Variants in SLC30A6 observed in about 807,000 individuals in gnomAD.
SLC30A6 encodes the protein solute carrier family 30 member 6.
In SLC30A6, 55 loss-of-function variants were observed where a neutral mutation model predicts 63.0. The ratio of observed to expected loss-of-function variants is 0.87; its 90% CI spans 0.70 to 1.09. The LOEUF (loss-of-function observed/expected upper bound fraction) is 1.09, where lower values mean the gene tolerates loss of function less well. Among genes scored for constraint, SLC30A6 ranks in the 50% least tolerant of loss-of-function variants. SLC30A6 has a pLI of 0.00. For synonymous variants in SLC30A6, 224 were observed against 186.1 expected (o/e 1.20, Z -1.66); for missense variants, 587 against 549.2 (o/e 1.07, Z -0.69).
intron 9 of SLC30A6, 21 bp downstream of exon 9, chr2:32,197,413 A>T: frequency 6.2e-7 from 1 of 1,602,668 alleles, no homozygotes; most frequent in Non-Finnish European, 8.5e-7. Flanking sequence ...ATGGAGTTTC[A>T]TGATATGCAT....
intron 7 of SLC30A6, among the ~76,000 whole-genome samples, chr2:32,193,463 T>C (rs1034680215): frequency 3.3e-5 from 5 of 152,114 alleles, no homozygotes; most frequent in African/African-American, 1.2e-4. Flanking sequence ...GTGATTTTCA[T>C]ATATATATGA....
chr2:32,173,267 C>G (rs916235591), intron 2 of SLC30A6, among the ~76,000 whole-genome samples: 1 of 152,074 alleles, frequency 6.6e-6, no homozygotes, highest in Non-Finnish European at 1.5e-5. Context: ...CCCACTAATT[C>G]ACATAAACAG....
chr2:32,205,966 G>A (rs1684733852), intron 11 of SLC30A6, among the ~76,000 whole-genome samples: 1 of 151,780 alleles, frequency 6.6e-6, no homozygotes. Flanking sequence ...ACTGCACCCG[G>A]CCTGAAATTT....
At chr2:32,177,440 A>G (rs530119171) in intron 4 of SLC30A6, 61 of 215,490 alleles carry the variant, frequency 2.8e-4, no homozygotes, top group Admixed American at 7.9e-4. Flanking sequence ...ACAGGCATGT[A>G]CCACCAGGCA....
At chr2:32,172,717 TATTAA>T (rs1681348172) in intron 2 of SLC30A6, among the ~76,000 whole-genome samples, 5 of 38,778 alleles carry the variant, frequency 1.3e-4, no homozygotes, top group African/African-American at 4.5e-4. Context: ...TAGTGCTGCC[TATTAA>T]GTGCTGCCTA....
intron 13 of SLC30A6, among the ~76,000 whole-genome samples, chr2:32,215,397 G>A (rs966211639): frequency 2.6e-5 from 4 of 151,378 alleles, no homozygotes; most frequent in African/African-American, 9.7e-5. Flanking sequence ...GTTTTGCCAT[G>A]TTGTCCAGTC....
intron 5 of SLC30A6, among the ~76,000 whole-genome samples, chr2:32,184,999 A>T (rs887481868): frequency 1.3e-5 from 2 of 152,212 alleles, no homozygotes; most frequent in Non-Finnish European, 2.9e-5. Context: ...AATAATAGGC[A>T]GTGGTAAAGA....
intron 1 of SLC30A6, among the ~76,000 whole-genome samples, chr2:32,170,562 A>G (rs1037270942): frequency 9.9e-5 from 15 of 152,202 alleles, no homozygotes; most frequent in South Asian, 4.1e-4. Context: ...CTGAATGCCT[A>G]AGAGAGAATC....
intron 13 of SLC30A6, among the ~76,000 whole-genome samples, chr2:32,213,281 A>T (rs177082): frequency 0.75 from 111,118 of 148,778 alleles, 41,700 homozygotes; most frequent in African/African-American, 0.81. Flanking sequence ...TCTCTTGCCA[A>T]TGTTTCTTTT....
rs564197180 is a variant in SLC30A6, at chr2:32,207,543, A to AT, written c.816+615dup. The stretch of plus-strand genomic sequence containing the variant: ...AGATGCAAGCCACCATACCCAGCTA[A>AT]TTTTTGTATTTTTAGTGGAGACAGG... On this transcript the variant is annotated intron_variant, in intron 12 of 13. Coordinates refer to ENST00000282587, the MANE Select transcript of SLC30A6 (RefSeq NM_017964.5). Among the ~76,000 whole-genome samples, 189 of 150,760 alleles carry AT rather than the reference A, an allele frequency of 1.3e-3. 2 individuals are homozygous for AT. In the East Asian group the frequency reaches 0.034, roughly 27 times the overall value.
chr2:32,209,543 C>T lies in SLC30A6; in HGVS notation c.867C>T (p.Thr289=). 6.2e-7 allele frequency: 1 copy of T among 1,611,620 alleles called. No homozygotes were observed. The highest frequency in any genetic ancestry group is 8.5e-7 in the Non-Finnish European group (1 of 1,179,158). The change falls in exon 13 of 14, where the codon ACC becomes ACT. Residue 289 remains threonine (T), a synonymous_variant. Transcript: ENST00000282587. The part of the protein sequence containing the change: ...VLEVRNEHFW[T]LGFGSLAGSV... ...AAGTCCGAAATGAACATTTTTGGAC[C>T]CTAGGTTTTGGCTCATTGGTATGTT... is the stretch of plus-strand genomic sequence containing the variant.
Position 32,192,456 on chromosome 2 carries a change from C to T in SLC30A6, c.365+40C>T, listed in dbSNP as rs373441481. 1.2e-3 allele frequency: 1,829 copies of T among 1,549,964 alleles called. 3 individuals are homozygous for T. The highest frequency in any genetic ancestry group is 1.6e-3 in the Non-Finnish European group (1,748 of 1,125,318). ...GATATTATTCTAAATCCCCCCATGACACCTTTGGGAACATGAAAGAAACCC... is the reference window on the plus strand; with the variant it reads ...GATATTATTCTAAATCCCCCCATGATACCTTTGGGAACATGAAAGAAACCC... On this transcript the variant is annotated intron_variant, in intron 6 of 13. Coordinates refer to ENST00000282587, the MANE Select transcript of SLC30A6 (RefSeq NM_017964.5).
chr2:32,201,647 C>G, intron 10 of SLC30A6: 1 of 1,514,648 alleles, frequency 6.6e-7, no homozygotes, highest in Non-Finnish European at 9.0e-7. Flanking sequence ...TGGAAGCACC[C>G]TTGGAGGAGT....
chr2:32,204,756 T>A (rs1009655152), intron 11 of SLC30A6, 64 bp downstream of exon 11: 1 of 832,266 alleles, frequency 1.2e-6, no homozygotes, highest in African/African-American at 1.7e-5. Flanking sequence ...GATTAAAAAG[T>A]TGTATGTGTT....
intron 4 of SLC30A6, among the ~76,000 whole-genome samples, chr2:32,182,692 A>C (rs1166802554): frequency 6.6e-6 from 1 of 152,212 alleles, no homozygotes; most frequent in Non-Finnish European, 1.5e-5. Context: ...AGGGATAGAA[A>C]TACAAATACT....
In SLC30A6 at chr2:32,195,366, A is replaced by G. The variant is rs1683695369; in HGVS notation, c.496+1383A>G. Among the ~76,000 whole-genome samples the G allele has an allele frequency of 2.6e-5, 4 of 151,830 alleles. No individual in the cohort carries two copies. In the South Asian group the frequency reaches 6.2e-4, roughly 24 times the overall value. Reference sequence around the variant, plus strand: ...CAGGTGTGAGCCACTGCGTCCGGCCATGTCTGGCTTTTTGATTAGCATTAT... The same window carrying G: ...CAGGTGTGAGCCACTGCGTCCGGCCGTGTCTGGCTTTTTGATTAGCATTAT... On this transcript the variant is annotated intron_variant, in intron 8 of 13. Transcript: ENST00000282587.
chr2:32,175,322 T>C lies in SLC30A6; in HGVS notation c.179T>C (p.Leu60Ser), dbSNP rs1681634923. Residue 60 changes from leucine (L) to serine (S), a missense_variant, in exon 4 of 14, where the codon TTA becomes TCA. Leu to Ser is a moderately radical substitution (Grantham distance 145). Transcript: ENST00000282587. ...TCATTTTTTTGTTGTTTTGCAGCTT[T>C]AACTGCCTATACTTACCTGACCATT... Reference protein sequence around the residue: ...MWCSSTNSIALTAYTYLTIFD... With the variant: ...MWCSSTNSIASTAYTYLTIFD... 6.2e-7 allele frequency: 1 copy of C among 1,611,470 alleles called. No individual in the cohort carries two copies. Among genetic ancestry groups the C allele is most frequent in the Non-Finnish European group, 8.5e-7 (1 of 1,179,272 alleles).
At chr2:32,203,494 T>C (rs1684475237) in intron 10 of SLC30A6, 13 of 1,605,266 alleles carry the variant, frequency 8.1e-6, no homozygotes, top group Middle Eastern at 2.2e-4. Context: ...TGGCTGCAGC[T>C]TTAGCCCACA....
chr2:32,190,798 G>GT (rs1683261698), intron 5 of SLC30A6, among the ~76,000 whole-genome samples: 1 of 152,084 alleles, frequency 6.6e-6, no homozygotes, highest in South Asian at 2.1e-4. Flanking sequence ...CTAATTTTTT[G>GT]TATTTTTAGT....
Sources: allele counts gnomAD v4.1 joint callset (sites outside exome capture counted in the v4.1 genomes callset), GRCh38; gene constraint gnomAD v4.1.1; transcripts MANE v1.5; gene names NCBI Gene and HGNC (gene_info 2026-07-23, HGNC 2026-07-21).